ZNF527: variants seen among roughly 807,000 people sequenced by gnomAD.
ZNF527 encodes the protein zinc finger protein 527.
ZNF527 carries 5 observed loss-of-function variants against 13.5 expected under a neutral mutation model. That is an observed-to-expected ratio of 0.37 (90% CI 0.19 to 0.78). ZNF527 has a LOEUF of 0.78. ZNF527 is among the 30% of genes least tolerant of loss of function. The pLI, the probability that ZNF527 is intolerant of heterozygous loss-of-function variation, is 0.48. For missense variants in ZNF527, 628 were observed against 726.4 expected (o/e 0.86, Z 1.56); for synonymous variants, 209 against 243.1 (o/e 0.86, Z 1.30).
intron 2 of ZNF527, among the ~76,000 whole-genome samples, chr19:37,375,311 T>TTTCTTTTCTTTCTTTCTTTCTTTCTTTC (rs760003304): frequency 1.0e-4 from 8 of 79,832 alleles, no homozygotes; most frequent in East Asian, 7.4e-4. Flanking sequence ...TCTTTCTTTC[T>TTTCTTTTCTTTCTTTCTTTCTTTCTTTC]TTTCTTTCTT....
Position 37,379,340 on chromosome 19 carries a change from A to C in ZNF527, c.160+94A>C, listed in dbSNP as rs1309865662. The stretch of plus-strand genomic sequence containing the variant: ...TATCTAGGACATCTTAAGACATCTT[A>C]AAAGCACTTACTTGCCTTTCTACTT... On this transcript the variant is annotated intron_variant, in intron 3 of 4. Transcript: ENST00000436120. The C allele has an allele frequency of 3.1e-6, 4 of 1,272,016 alleles. No homozygotes were observed. The African/African-American group carries it at 6.1e-5, about 20-fold the overall frequency. 78.8% of individuals were successfully genotyped at this position (1,272,016 alleles called of 1,614,324 possible).
At position 37,380,152 on chromosome 19, in the gene ZNF527, C is replaced by T. The variant is rs577102856; in HGVS notation, c.161-125C>T. ...GTCATTCCATTCTCTAGCTCTTCCTCTAATGTCCATTCTTGCCTGATGATC... is the reference window on the plus strand; with the variant it reads ...GTCATTCCATTCTCTAGCTCTTCCTTTAATGTCCATTCTTGCCTGATGATC... On this transcript the variant is annotated intron_variant, in intron 3 of 4. Coordinates refer to ENST00000436120, the MANE Select transcript of ZNF527 (RefSeq NM_032453.2). The T allele has an allele frequency of 2.1e-6, 3 of 1,451,228 alleles. No individual in the cohort carries two copies. In the African/African-American group the frequency reaches 4.2e-5, roughly 20 times the overall value. 89.9% of individuals were successfully genotyped at this position (1,451,228 alleles called of 1,614,324 possible). A position where few individuals can be genotyped will look rare whatever the true frequency, so the allele number is the denominator to read the frequency against.
intron 4 of ZNF527, among the ~76,000 whole-genome samples, chr19:37,386,008 GCT>G (rs2040694811): frequency 1.3e-5 from 2 of 151,866 alleles, no homozygotes; most frequent in Admixed American, 6.6e-5. Flanking sequence ...TCTTTTCAGA[GCT>G]CTGTTCTCCC....
Position 37,389,822 on chromosome 19 carries a change from T to G in ZNF527, c.1773T>G (p.Phe591Leu), listed in dbSNP as rs1449711312. Residue 591 changes from phenylalanine (F) to leucine (L), a missense_variant, in exon 5 of 5, where the codon TTT becomes TTG. By Grantham distance (22) the Phe-to-Leu change is conservative. Coordinates refer to ENST00000436120, the MANE Select transcript of ZNF527 (RefSeq NM_032453.2). ...AATGTAACGAATGTGGGAATAATTT[T>G]AGCTGTGTCTCAGCCCTTAGACGAC... ...PYKCNECGNN[F>L]SCVSALRRHQ... 6.2e-7 allele frequency: 1 copy of G among 1,613,094 alleles called. No homozygotes were observed. Among genetic ancestry groups the G allele is most frequent in the Non-Finnish European group, 8.5e-7 (1 of 1,179,944 alleles).
chr19:37,390,853 AT>A lies in ZNF527; in HGVS notation c.*980del, dbSNP rs1414316167. 2 of 152,174 alleles carry A rather than the reference AT, an allele frequency of 1.3e-5. No homozygotes were observed. Among genetic ancestry groups the A allele is most frequent in the Non-Finnish European group, 2.9e-5 (2 of 68,018 alleles). The allele number at this position is 152,174 out of a possible 1,614,324, so 9.4% of individuals were successfully genotyped here. On this transcript the variant is annotated 3_prime_UTR_variant, in exon 5 of 5. Coordinates refer to ENST00000436120, the MANE Select transcript of ZNF527 (RefSeq NM_032453.2). ...TTGCTATACATAAAAGAAAGCCTTA[AT>A]TTTTTACGTGGCATAATTATTTATC...
intron 4 of ZNF527, among the ~76,000 whole-genome samples, chr19:37,383,970 G>T (rs937148729): frequency 6.6e-6 from 1 of 151,962 alleles, no homozygotes; most frequent in Non-Finnish European, 1.5e-5. Flanking sequence ...TGGTAAATTT[G>T]GGCTTAATCC....
Position 37,392,516 on chromosome 19 carries a change from A to T in ZNF527, c.*2637A>T, listed in dbSNP as rs2146831285. 6.6e-6 allele frequency: 1 copy of T among 152,196 alleles called. No individual in the cohort carries two copies. Among genetic ancestry groups the T allele is most frequent in the South Asian group, 2.1e-4 (1 of 4,814 alleles). 9.4% of individuals were successfully genotyped at this position (152,196 alleles called of 1,614,324 possible). A position where few individuals can be genotyped will look rare whatever the true frequency, so the allele number is the denominator to read the frequency against. On this transcript the variant is annotated 3_prime_UTR_variant, in exon 5 of 5. Coordinates refer to ENST00000436120, the MANE Select transcript of ZNF527 (RefSeq NM_032453.2). ...GCGACCCTCCCACCTCAGCCTCCTG[A>T]GTAGCTGGGACTACAGGTGTGCTCT...
intron 4 of ZNF527, among the ~76,000 whole-genome samples, chr19:37,382,930 C>T (rs960920568): frequency 6.6e-6 from 1 of 152,128 alleles, no homozygotes; most frequent in Non-Finnish European, 1.5e-5. Flanking sequence ...TGGTCTCAAT[C>T]TCTTGACCTC....
intron 3 of ZNF527, 98 bp from the exon 4 acceptor site, chr19:37,380,170 TGATGATCAA>T: frequency 6.7e-7 from 1 of 1,496,152 alleles, no homozygotes; most frequent in Non-Finnish European, 8.9e-7. Flanking sequence ...CATTCTTGCC[TGATGATCAA>T]GATATTGGGT....
At chr19:37,377,248 C>T (rs770588648) in intron 2 of ZNF527, among the ~76,000 whole-genome samples, 12 of 152,086 alleles carry the variant, frequency 7.9e-5, no homozygotes, top group Non-Finnish European at 1.6e-4. Context: ...AAAATGTCTT[C>T]GTGTGGGCAA....
chr19:37,383,756 C>T (rs1235146636), intron 4 of ZNF527, among the ~76,000 whole-genome samples: 2 of 151,838 alleles, frequency 1.3e-5, no homozygotes, highest in Non-Finnish European at 2.9e-5. Flanking sequence ...CCAGGCTGGT[C>T]TCGAACTCCT....
At chr19:37,376,416 A>C (rs111404493) in intron 2 of ZNF527, among the ~76,000 whole-genome samples, 2,526 of 152,086 alleles carry the variant, frequency 0.017, 66 homozygotes, top group African/African-American at 0.057. Context: ...GCTCATGCCT[A>C]TTATCCCAGC....
At chr19:37,374,994 T>C (rs1430469482) in intron 2 of ZNF527, among the ~76,000 whole-genome samples, 1 of 152,038 alleles carries the variant, frequency 6.6e-6, no homozygotes, top group Non-Finnish European at 1.5e-5. Context: ...AGATAGAAAA[T>C]GCGATTTGAT....
rs1313338443 is a variant in ZNF527 at position 37,391,236 on chromosome 19, C to T, written c.*1357C>T. 6.6e-6 allele frequency: 1 copy of T among 152,074 alleles called. No homozygotes were observed. The highest frequency in any genetic ancestry group is 1.9e-4 in the East Asian group (1 of 5,196). The allele number at this position is 152,074 out of a possible 1,614,324, so 9.4% of individuals were successfully genotyped here. On this transcript the variant is annotated 3_prime_UTR_variant, in exon 5 of 5. Coordinates refer to ENST00000436120, the MANE Select transcript of ZNF527 (RefSeq NM_032453.2). ...CATATTCTGTGGCAGAATATAATAACAATTAAATTGTAAATGAGGTCTTTT... is the reference window on the plus strand; with the variant it reads ...CATATTCTGTGGCAGAATATAATAATAATTAAATTGTAAATGAGGTCTTTT...
At chr19:37,379,460 C>CT (rs34967980) in intron 3 of ZNF527, 26,019 of 160,912 alleles carry the variant, frequency 0.16, 2,487 homozygotes, top group African/African-American at 0.27. Flanking sequence ...GAAGTAATTT[C>CT]TTTTTTTTTT....
intron 2 of ZNF527, among the ~76,000 whole-genome samples, chr19:37,376,407 C>A (rs2040608100): frequency 6.6e-6 from 1 of 151,922 alleles, no homozygotes; most frequent in South Asian, 2.1e-4. Context: ...GTGGCTCATG[C>A]TCATGCCTAT....
chr19:37,389,084 T>A lies in ZNF527; in HGVS notation c.1035T>A (p.Leu345=), dbSNP rs1002519867. 23 of 1,614,256 alleles carry A rather than the reference T, an allele frequency of 1.4e-5. No homozygotes were observed. The highest frequency in any genetic ancestry group is 1.9e-5 in the Non-Finnish European group (23 of 1,180,042). The change falls in exon 5 of 5, where the codon CTT becomes CTA. Residue 345 remains leucine, a synonymous_variant. Coordinates refer to ENST00000436120, the MANE Select transcript of ZNF527 (RefSeq NM_032453.2). ...CNKAFRQSAH[L]AQHQRIHTGE... ...AAGCTTTCAGACAGAGTGCTCACCT[T>A]GCTCAACATCAGAGGATCCACACTG...
chr19:37,375,479 A>C (rs2040600488), intron 2 of ZNF527, among the ~76,000 whole-genome samples: 1 of 149,692 alleles, frequency 6.7e-6, no homozygotes, highest in South Asian at 2.1e-4. Flanking sequence ...CTCCTGCCTC[A>C]GCTTTCCGGG....
chr19:37,375,286 C>CTTTTCTTTCT (rs773566095), intron 2 of ZNF527, among the ~76,000 whole-genome samples: 1 of 122,594 alleles, frequency 8.2e-6, no homozygotes, highest in African/African-American at 3.5e-5. Flanking sequence ...TTCTTTCTTT[C>CTTTTCTTTCT]TTTCTTTCTT....
Sources: allele counts gnomAD v4.1 joint callset (sites outside exome capture counted in the v4.1 genomes callset), GRCh38; gene constraint gnomAD v4.1.1; transcripts MANE v1.5; gene names NCBI Gene and HGNC (gene_info 2026-07-23, HGNC 2026-07-21).